The following SACS variants were observed in gnomAD, a reference collection of about 807,000 sequenced individuals.
SACS encodes the protein sacsin molecular chaperone, also known as sacsin.
Under a neutral mutation model 348.0 loss-of-function variants are expected in SACS, and 197 were observed. The ratio of observed to expected loss-of-function variants is 0.57; its 90% CI spans 0.50 to 0.64. The LOEUF (loss-of-function observed/expected upper bound fraction) is 0.64. Ranked by LOEUF, SACS falls within the 30% of genes least tolerant of loss-of-function variation. The probability of loss-of-function intolerance (pLI) is 0.00; values close to 1 mark genes in which losing one functional copy is unlikely to be tolerated. For synonymous variants in SACS, 1,985 were observed against 1,910.6 expected (o/e 1.04, Z -1.02); for missense variants, 4,999 against 5,360.8 (o/e 0.93, Z 2.11).
chr13:23,429,449 G>A (rs1297551623), intron 1 of SACS, among the ~76,000 whole-genome samples: 8 of 135,534 alleles, frequency 5.9e-5, no homozygotes, highest in Non-Finnish European at 1.5e-5. Context: ...TGCAAGCTCC[G>A]CCTCCCGGGT....
intron 2 of SACS, among the ~76,000 whole-genome samples, chr13:23,392,327 T>C (rs1447204906): frequency 6.6e-6 from 1 of 152,190 alleles, no homozygotes; most frequent in East Asian, 1.9e-4. Flanking sequence ...AGAAAATCCC[T>C]GAAATCAACA....
intron 2 of SACS, among the ~76,000 whole-genome samples, chr13:23,399,160 T>A (rs113335323): frequency 3.9e-5 from 6 of 152,272 alleles, no homozygotes; most frequent in African/African-American, 1.2e-4. Flanking sequence ...ATCAGCCTGA[T>A]GGCTAAGGTC....
chr13:23,408,697 G>A (rs1276836979), intron 2 of SACS, among the ~76,000 whole-genome samples: 5 of 152,144 alleles, frequency 3.3e-5, no homozygotes, highest in Non-Finnish European at 7.4e-5. Context: ...CTGGCACAGT[G>A]GCTCACGCCT....
intron 6 of SACS, among the ~76,000 whole-genome samples, chr13:23,363,806 C>G (rs1357099348): frequency 2.0e-5 from 3 of 152,132 alleles, no homozygotes; most frequent in African/African-American, 4.8e-5. Flanking sequence ...TGCAGGCAAG[C>G]AGTAAGTCAG....
At chr13:23,368,900 C>T (rs7982679) in intron 4 of SACS, among the ~76,000 whole-genome samples, 4,071 of 152,086 alleles carry the variant, frequency 0.027, 162 homozygotes, top group African/African-American at 0.089. Context: ...GGGGTTTCAC[C>T]ATGTTAGCCA....
chr13:23,387,547 G>A (rs918013584), intron 2 of SACS, among the ~76,000 whole-genome samples: 4 of 151,162 alleles, frequency 2.6e-5, no homozygotes, highest in African/African-American at 9.7e-5. Flanking sequence ...CTTTCACTAC[G>A]AAGCTGGAAG....
At position 23,375,309 on chromosome 13, in the gene SACS, C is replaced by CAT. The variant is rs549196965; in HGVS notation, c.21-41_21-40insAT. ...GGGACGCTCAGTCGGGCTGCGGCTG[C>CAT]CACCCGCCCGCCCAGCGCCCGCGCG... On this transcript the variant is annotated intron_variant, in intron 2 of 9. Transcript: ENST00000382292. 1.7e-3 allele frequency: 2,377 copies of CAT among 1,380,346 alleles called. 13 individuals carry two copies. Among genetic ancestry groups the CAT allele is most frequent in the African/African-American group, 0.012 (831 of 66,788 alleles). The allele number at this position is 1,380,346 out of a possible 1,614,324, so 85.5% of individuals were successfully genotyped here.
chr13:23,418,660 C>G lies in SACS; in HGVS notation c.-501-6920G>C, dbSNP rs1211868772. Among the ~76,000 whole-genome samples the G allele has an allele frequency of 2.6e-5, 4 of 152,112 alleles. No homozygotes were observed. In the East Asian group the frequency reaches 7.7e-4, roughly 29 times the overall value. On this transcript the variant is annotated intron_variant, in intron 1 of 9. Coordinates refer to ENST00000382292, the MANE Select transcript of SACS (RefSeq NM_014363.6). Reference sequence around the variant, plus strand: ...AGTTGGGCTTACAGGCACCTGCCACCAAGCCCAGCTAATTTTTGTATTTTT... The same window carrying G: ...AGTTGGGCTTACAGGCACCTGCCACGAAGCCCAGCTAATTTTTGTATTTTT...
At chr13:23,432,933 C>G (rs1874492951) in intron 1 of SACS, among the ~76,000 whole-genome samples, 1 of 152,016 alleles carries the variant, frequency 6.6e-6, no homozygotes, top group African/African-American at 2.4e-5. Context: ...GTATTGACCT[C>G]GTTTTAAGGA....
At chr13:23,382,316 G>C (rs1326505209) in intron 2 of SACS, among the ~76,000 whole-genome samples, 1 of 152,106 alleles carries the variant, frequency 6.6e-6, no homozygotes, top group African/African-American at 2.4e-5. Context: ...ACCATGCCTG[G>C]CTAATTTTTT....
chr13:23,421,395 T>C (rs1038873338), intron 1 of SACS, among the ~76,000 whole-genome samples: 4 of 152,020 alleles, frequency 2.6e-5, no homozygotes, highest in Non-Finnish European at 5.9e-5. Flanking sequence ...CCCATGAGGA[T>C]TGACATTCAG....
chr13:23,372,924 A>G (rs1184420295), intron 3 of SACS, among the ~76,000 whole-genome samples: 3 of 152,170 alleles, frequency 2.0e-5, no homozygotes, highest in African/African-American at 7.2e-5. Flanking sequence ...GCTACAGTCC[A>G]GAACCTCATT....
At chr13:23,423,751 A>T (rs1380814450) in intron 1 of SACS, among the ~76,000 whole-genome samples, 3 of 151,096 alleles carry the variant, frequency 2.0e-5, no homozygotes, top group Non-Finnish European at 4.5e-5. Context: ...TATATAAACT[A>T]TTAGGCCTAT....
chr13:23,335,127 A>T lies in SACS; in HGVS notation c.8749T>A (p.Leu2917Ile). The change falls in exon 10 of 10, where the codon TTA (leucine) becomes ATA (isoleucine). Residue 2917 changes from leucine (L) to isoleucine (I), a missense_variant. Physicochemically the swap from Leu to Ile is conservative, Grantham distance 5. Around this residue, in one of 6 missense-constraint regions of SACS, gnomAD observed 734 missense variants for 694.0 expected, o/e 1.06. Coordinates refer to ENST00000382292, the MANE Select transcript of SACS (RefSeq NM_014363.6). This position sits in a 1 kb window ranked among gnomAD's most constrained non-coding sequence, Gnocchi z 4.7. ...SDWNNSLMTA[L>I]IAPAYVELLI... is the part of the protein sequence containing the mutation. ...AATTCAACATATGCAGGAGCTATTA[A>T]TGCTGTCATTAAACTGTTATTCCAG... 6.2e-7 allele frequency: 1 copy of T among 1,613,978 alleles called. No individual in the cohort carries two copies. Among genetic ancestry groups the T allele is most frequent in the Non-Finnish European group, 8.5e-7 (1 of 1,179,880 alleles).
At chr13:23,375,351 C>T (rs1871696847) in intron 2 of SACS, 82 bp from the exon 3 acceptor site, 1 of 1,305,310 alleles carries the variant, frequency 7.7e-7, no homozygotes, top group Non-Finnish European at 9.7e-7. Flanking sequence ...ACCCGCGTTA[C>T]CTCTCCCACA....
chr13:23,428,793 G>C (rs1037466433), intron 1 of SACS: 1 of 152,272 alleles, frequency 6.6e-6, no homozygotes, highest in South Asian at 2.1e-4. Context: ...AGTTGCTCAA[G>C]AATATCTTAT....
At position 23,334,137 on chromosome 13, in the gene SACS, C is replaced by T; in HGVS notation, c.9739G>A (p.Ala3247Thr). 2 of 1,613,880 alleles carry T rather than the reference C, an allele frequency of 1.2e-6. No individual in the cohort carries two copies. Among genetic ancestry groups the T allele is most frequent in the South Asian group, 1.1e-5 (1 of 91,066 alleles). Residue 3247 changes from alanine to threonine, a missense_variant, in exon 10 of 10, where the codon GCA becomes ACA. By Grantham distance (58) the Ala-to-Thr change is moderately conservative. This residue lies in a region of SACS where 734 missense variants were observed against 694.0 expected (regional missense o/e 1.06). Transcript: ENST00000382292. ...NFASESWLKN[A>T]WHFISESVSV... ...ACAGATTCACTAATAAAATGCCATG[C>T]ATTCTTAAGCCAAGACTCACTTGCA...
chr13:23,340,715 A>G lies in SACS; in HGVS notation c.3161T>C (p.Phe1054Ser), dbSNP rs137853019. 6.3e-7 allele frequency: 1 copy of G among 1,595,512 alleles called. No homozygotes were observed. Among genetic ancestry groups the G allele is most frequent in the Non-Finnish European group, 8.5e-7 (1 of 1,172,850 alleles). Residue 1054 changes from phenylalanine (F) to serine (S), a missense_variant, in exon 10 of 10, where the codon TTT becomes TCT. Phe to Ser is a radical substitution (Grantham distance 155, BLOSUM62 -2). Coordinates refer to ENST00000382292, the MANE Select transcript of SACS (RefSeq NM_014363.6). ...QEQMVSAGEL[F>S]DPDIEVLKDL... ...CTTTAGTACTTCTATATCAGGGTCAAAGAGTTCACCAGCTGATACCATCTG... is the reference window on the plus strand; with the variant it reads ...CTTTAGTACTTCTATATCAGGGTCAGAGAGTTCACCAGCTGATACCATCTG...
chr13:23,380,527 A>T (rs1036648327), intron 2 of SACS, among the ~76,000 whole-genome samples: 2 of 152,186 alleles, frequency 1.3e-5, no homozygotes, highest in African/African-American at 4.8e-5. Flanking sequence ...CAAGCCTAAT[A>T]ATAATAACAA....
Sources: allele counts gnomAD v4.1 joint callset (sites outside exome capture counted in the v4.1 genomes callset), GRCh38; gene constraint gnomAD v4.1.1; regional missense constraint gnomAD v4.1.1; non-coding constraint Gnocchi (gnomAD v3.1); transcripts MANE v1.5; gene names NCBI Gene and HGNC (gene_info 2026-07-23, HGNC 2026-07-21).